ANO6: variants seen among roughly 807,000 people sequenced by gnomAD.
The protein encoded by ANO6 is anoctamin 6.
A neutral mutation model predicts 117.5 loss-of-function variants in ANO6; 106 were observed. The ratio of observed to expected loss-of-function variants is 0.90; its 90% CI spans 0.77 to 1.06. ANO6 has a LOEUF of 1.06. Among genes scored for constraint, ANO6 ranks in the 50% least tolerant of loss-of-function variants. ANO6 has a pLI of 0.00. For missense variants in ANO6, 955 were observed against 1,121.1 expected (o/e 0.85, Z 2.12); for synonymous variants, 367 against 385.1 (o/e 0.95, Z 0.55).
intron 1 of ANO6, among the ~76,000 whole-genome samples, chr12:45,224,061 C>T (rs1270508416): frequency 1.3e-5 from 2 of 152,328 alleles, no homozygotes; most frequent in African/African-American, 2.4e-5. Context: ...TCCAGGTTCA[C>T]TGTTCTCTAG....
At chr12:45,371,099 G>T (rs1408309490) in intron 9 of ANO6, among the ~76,000 whole-genome samples, 2 of 152,078 alleles carry the variant, frequency 1.3e-5, no homozygotes, top group African/African-American at 4.8e-5. Context: ...AAGGGGTGAC[G>T]AACGGCACCT....
intron 16 of ANO6, among the ~76,000 whole-genome samples, chr12:45,411,815 C>G (rs1179140876): frequency 6.6e-6 from 1 of 152,198 alleles, no homozygotes; most frequent in Non-Finnish European, 1.5e-5. Context: ...TAGGTGTTAG[C>G]AGCACCTGCT....
intron 10 of ANO6, among the ~76,000 whole-genome samples, chr12:45,381,709 A>G (rs1370312022): frequency 1.3e-5 from 2 of 152,166 alleles, no homozygotes; most frequent in African/African-American, 2.4e-5. Context: ...TTGCATTGCA[A>G]TCCTATCACT....
At chr12:45,439,647 C>CTTTTTT (rs34144696) in intron 19 of ANO6, 6 of 1,133,266 alleles carry the variant, frequency 5.3e-6, no homozygotes, top group African/African-American at 1.9e-5. Flanking sequence ...GATTTAATTG[C>CTTTTTT]TTTTTTTTTT....
chr12:45,278,882 ACT>A (rs1473338242), intron 1 of ANO6, among the ~76,000 whole-genome samples: 2 of 151,946 alleles, frequency 1.3e-5, no homozygotes, highest in African/African-American at 4.8e-5. Flanking sequence ...TGTTTAGGAA[ACT>A]CTGTTAGTAA....
At chr12:45,251,226 A>G (rs1358035925) in intron 1 of ANO6, among the ~76,000 whole-genome samples, 2 of 152,174 alleles carry the variant, frequency 1.3e-5, no homozygotes, top group Non-Finnish European at 2.9e-5. Context: ...TTGGATATAC[A>G]CTTAACCCAT....
chr12:45,263,705 A>C (rs1938123264), intron 1 of ANO6, among the ~76,000 whole-genome samples: 1 of 152,146 alleles, frequency 6.6e-6, no homozygotes, highest in Non-Finnish European at 1.5e-5. Context: ...AACTGGGAAG[A>C]GCCAAGGAGG....
chr12:45,302,126 T>A, intron 2 of ANO6, 33 bp downstream of exon 2: 1 of 1,588,070 alleles, frequency 6.3e-7, no homozygotes, highest in Non-Finnish European at 8.6e-7. Context: ...AAATTTGTAT[T>A]CTTAAGCTAA....
Position 45,217,259 on chromosome 12 carries a change from T to C in ANO6, c.70+868T>C, listed in dbSNP as rs374467981. ...GGGGGATGATGATATAATGTGTCCC[T>C]CCAGAAGACTCTAATTAAATTACCA... On this transcript the variant is annotated intron_variant, in intron 1 of 19. Coordinates refer to ENST00000320560, the MANE Select transcript of ANO6 (RefSeq NM_001025356.3). Among the ~76,000 whole-genome samples the C allele has an allele frequency of 4.3e-3, 658 of 152,264 alleles. 6 individuals are homozygous for C. Among genetic ancestry groups the C allele is most frequent in the African/African-American group, 0.015 (623 of 41,556 alleles).
chr12:45,254,203 T>G lies in ANO6; in HGVS notation c.70+37812T>G, dbSNP rs140428604. Among the ~76,000 whole-genome samples the G allele has an allele frequency of 1.4e-3, 209 of 152,216 alleles. 1 individual carries two copies. The highest frequency in any genetic ancestry group is 4.9e-3 in the African/African-American group (203 of 41,534). The stretch of plus-strand genomic sequence containing the variant: ...CGCCATTCTTACGAATGAGGAAGTT[T>G]GTGGATGCTGGATGGCACAGAGAGA... On this transcript the variant is annotated intron_variant, in intron 1 of 19. Transcript: ENST00000320560.
At position 45,270,512 on chromosome 12, in the gene ANO6, C is replaced by T. The variant is rs749638435; in HGVS notation, c.71-31502C>T. 6 of 1,250,836 alleles carry T rather than the reference C, an allele frequency of 4.8e-6. No homozygotes were observed. In the South Asian group the frequency reaches 8.3e-5, roughly 17 times the overall value. 77.5% of individuals were successfully genotyped at this position (1,250,836 alleles called of 1,614,324 possible). Reference sequence around the variant, plus strand: ...TTTTCTGACTCCTCATACTCACCTCCCATCCAGCCTGGGTAAGATCCCCTT... The same window carrying T: ...TTTTCTGACTCCTCATACTCACCTCTCATCCAGCCTGGGTAAGATCCCCTT... On this transcript the variant is annotated intron_variant, in intron 1 of 19. Transcript: ENST00000320560.
chr12:45,377,216 T>C (rs531700663), intron 9 of ANO6, among the ~76,000 whole-genome samples: 1 of 152,028 alleles, frequency 6.6e-6, no homozygotes, highest in African/African-American at 2.4e-5. Flanking sequence ...AAAGTAGATA[T>C]AATATGCTTG....
In ANO6 at chr12:45,378,480, G is replaced by A. The variant is rs1942087742; in HGVS notation, c.1165+367G>A. On this transcript the variant is annotated intron_variant, in intron 10 of 19. Transcript: ENST00000320560. ...TTGGTCTGTGGGGCTCGGCTGGGAAGGCTTCTCTGCTCCACATGGTGTCTC... is the reference window on the plus strand; with the variant it reads ...TTGGTCTGTGGGGCTCGGCTGGGAAAGCTTCTCTGCTCCACATGGTGTCTC... 2.0e-5 allele frequency among the ~76,000 whole-genome samples: 3 copies of A among 152,090 alleles called. No individual in the cohort carries two copies. The South Asian group carries it at 6.2e-4, about 32-fold the overall frequency.
At chr12:45,428,434 G>A (rs935256214) in intron 19 of ANO6, among the ~76,000 whole-genome samples, 10 of 152,138 alleles carry the variant, frequency 6.6e-5, no homozygotes, top group Non-Finnish European at 1.0e-4. Flanking sequence ...GCAACATAGC[G>A]AGACCCTGTT....
At chr12:45,399,890 A>T (rs1942738072) in intron 12 of ANO6, among the ~76,000 whole-genome samples, 1 of 152,254 alleles carries the variant, frequency 6.6e-6, no homozygotes, top group African/African-American at 2.4e-5. Context: ...GAAATAAGTT[A>T]TAAACTTGAG....
chr12:45,436,764 T>A (rs1001961897), downstream of ANO6, among the ~76,000 whole-genome samples: 1 of 152,150 alleles, frequency 6.6e-6, no homozygotes, highest in Non-Finnish European at 1.5e-5. Context: ...GGTCAGGAGC[T>A]AACGACCAGC....
chr12:45,290,944 T>C (rs1419330047), intron 1 of ANO6, among the ~76,000 whole-genome samples: 1 of 152,148 alleles, frequency 6.6e-6, no homozygotes, highest in Admixed American at 6.5e-5. Flanking sequence ...GATAGATATA[T>C]AGACTAATGG....
At chr12:45,390,386 C>G in intron 11 of ANO6, 35 bp from the exon 12 acceptor site, 1 of 1,509,788 alleles carries the variant, frequency 6.6e-7, no homozygotes, top group Non-Finnish European at 9.2e-7. Context: ...ACAGTAATCC[C>G]TTGATTGACT....
At chr12:45,408,822 T>C (rs1035796671) in intron 15 of ANO6, among the ~76,000 whole-genome samples, 5 of 152,126 alleles carry the variant, frequency 3.3e-5, no homozygotes, top group Admixed American at 2.6e-4. Context: ...CACCGTTCCC[T>C]CTGCCTGGGA....
Sources: gnomAD v4.1 joint callset for allele counts (sites outside exome capture counted in the v4.1 genomes callset) on GRCh38, gnomAD v4.1.1 for gene constraint, MANE v1.5 for transcripts, NCBI Gene and HGNC (gene_info 2026-07-23, HGNC 2026-07-21) for gene names.